The following AOAH variants were observed in gnomAD, a reference collection of about 807,000 sequenced individuals.
The protein encoded by AOAH is acyloxyacyl hydrolase, also known as acyloxyacyl hydrolase (neutrophil).
In AOAH, 64 loss-of-function variants were observed where a neutral mutation model predicts 92.2. That is an observed-to-expected ratio of 0.69 (90% CI 0.57 to 0.86). The LOEUF is 0.86. Ranked by LOEUF, AOAH falls within the 40% of genes least tolerant of loss-of-function variation. AOAH has a pLI of 0.00. For missense variants in AOAH, 656 were observed against 694.6 expected (o/e 0.94, Z 0.62); for synonymous variants, 263 against 254.5 (o/e 1.03, Z -0.32).
chr7:36,544,045 CAAGT>C (rs1245187509), intron 15 of AOAH, among the ~76,000 whole-genome samples: 1 of 145,744 alleles, frequency 6.9e-6, no homozygotes, highest in African/African-American at 2.5e-5. Context: ...CTCCCGGGTT[CAAGT>C]GATTCTCCTG....
At chr7:36,518,043 A>G (rs1395581569) in intron 20 of AOAH, among the ~76,000 whole-genome samples, 1 of 152,160 alleles carries the variant, frequency 6.6e-6, no homozygotes, top group African/African-American at 2.4e-5. Context: ...ATTTAGACAC[A>G]GTAAAATGAA....
intron 1 of AOAH, among the ~76,000 whole-genome samples, chr7:36,711,137 A>T (rs909421682): frequency 6.6e-6 from 1 of 152,166 alleles, no homozygotes; most frequent in Non-Finnish European, 1.5e-5. Flanking sequence ...CTGAGAAGGA[A>T]ATATAAATCA....
At chr7:36,549,233 T>A (rs773456197) in intron 14 of AOAH, among the ~76,000 whole-genome samples, 12 of 152,216 alleles carry the variant, frequency 7.9e-5, no homozygotes, top group Non-Finnish European at 1.6e-4. Flanking sequence ...CAACTCTCTA[T>A]GCATTTTTAT....
chr7:36,627,846 C>CTGAT (rs1308510905), intron 6 of AOAH, among the ~76,000 whole-genome samples: 1 of 152,152 alleles, frequency 6.6e-6, no homozygotes, highest in Non-Finnish European at 1.5e-5. Context: ...GTAACTGTGG[C>CTGAT]TGATTGTTAT....
chr7:36,543,947 C>CTTTCTTTCTTTCTTTTTTTTT (rs55745823), intron 15 of AOAH, among the ~76,000 whole-genome samples: 1 of 91,008 alleles, frequency 1.1e-5, no homozygotes, highest in East Asian at 3.7e-4. Flanking sequence ...TTCTTTCTTT[C>CTTTCTTTCTTTCTTTTTTTTT]TTTTTTTTTT....
intron 1 of AOAH, among the ~76,000 whole-genome samples, chr7:36,700,846 T>A (rs759370674): frequency 2.0e-5 from 3 of 152,094 alleles, no homozygotes; most frequent in African/African-American, 7.2e-5. Flanking sequence ...TCAACATCTG[T>A]TATGTTTTGA....
At chr7:36,577,903 T>C (rs936833430) in intron 12 of AOAH, among the ~76,000 whole-genome samples, 1 of 152,200 alleles carries the variant, frequency 6.6e-6, no homozygotes, top group Non-Finnish European at 1.5e-5. Flanking sequence ...TTATTAAGTG[T>C]TATATGAAAG....
intron 13 of AOAH, among the ~76,000 whole-genome samples, chr7:36,563,839 G>T (rs1230143486): frequency 6.6e-6 from 1 of 151,872 alleles, no homozygotes; most frequent in Admixed American, 6.6e-5. Flanking sequence ...AAAAATATTT[G>T]CTTGCAATAG....
intron 4 of AOAH, among the ~76,000 whole-genome samples, chr7:36,643,567 T>C (rs563127588): frequency 2.0e-5 from 3 of 152,246 alleles, no homozygotes; most frequent in Admixed American, 2.0e-4. Context: ...GAAAGAAGTA[T>C]TCTTCCATTC....
chr7:36,597,451 CAGACA>C (rs1439063904), intron 11 of AOAH, among the ~76,000 whole-genome samples: 1 of 152,044 alleles, frequency 6.6e-6, no homozygotes, highest in African/African-American at 2.4e-5. Context: ...TTCATTCTGC[CAGACA>C]AGACAAGAAA....
At chr7:36,529,744 G>T (rs148368074) in intron 19 of AOAH, among the ~76,000 whole-genome samples, 8 of 152,292 alleles carry the variant, frequency 5.3e-5, no homozygotes, top group African/African-American at 1.9e-4. Flanking sequence ...AATCAGGAAA[G>T]ATTACAGTCA....
At chr7:36,545,442 A>T (rs1583781679) in intron 15 of AOAH, among the ~76,000 whole-genome samples, 1 of 152,002 alleles carries the variant, frequency 6.6e-6, no homozygotes, top group East Asian at 1.9e-4. Context: ...AATAGCATGG[A>T]TTGTTTCTCA....
At chr7:36,590,672 G>T (rs1789679519) in intron 12 of AOAH, among the ~76,000 whole-genome samples, 1 of 152,210 alleles carries the variant, frequency 6.6e-6, no homozygotes, top group South Asian at 2.1e-4. Flanking sequence ...GGCTGATCAT[G>T]ATGGTAGGAA....
chr7:36,714,349 A>C (rs1798981030), intron 1 of AOAH, among the ~76,000 whole-genome samples: 1 of 152,174 alleles, frequency 6.6e-6, no homozygotes, highest in Non-Finnish European at 1.5e-5. Flanking sequence ...CTTACCAACC[A>C]AAAAAAGTCC....
At chr7:36,588,417 C>G (rs1448340526) in intron 12 of AOAH, among the ~76,000 whole-genome samples, 3 of 152,242 alleles carry the variant, frequency 2.0e-5, no homozygotes, top group Admixed American at 2.0e-4. Context: ...CTATCCCACT[C>G]CAATCAGCCT....
At chr7:36,605,544 T>C (rs1473970785) in intron 11 of AOAH, among the ~76,000 whole-genome samples, 1 of 152,242 alleles carries the variant, frequency 6.6e-6, no homozygotes, top group Non-Finnish European at 1.5e-5. Context: ...CTTTATTTCA[T>C]GTTCTGGCAG....
At chr7:36,540,890 C>T (rs780325626) in intron 15 of AOAH, among the ~76,000 whole-genome samples, 14 of 152,252 alleles carry the variant, frequency 9.2e-5, no homozygotes, top group Admixed American at 3.9e-4. Context: ...GTGAGAGAGA[C>T]GTAAACATTT....
chr7:36,720,180 C>T (rs1169978265), intron 1 of AOAH, among the ~76,000 whole-genome samples: 2 of 151,506 alleles, frequency 1.3e-5, no homozygotes, highest in African/African-American at 4.8e-5. Context: ...GATGGAGTCT[C>T]GCTCTGTCGC....
At chr7:36,521,615 GAATAAATTTCT>G (rs1307002877) in intron 20 of AOAH, among the ~76,000 whole-genome samples, 1 of 151,714 alleles carries the variant, frequency 6.6e-6, no homozygotes, top group Non-Finnish European at 1.5e-5. Flanking sequence ...AAAGACCATA[GAATAAATTTCT>G]CATGGGTCTC....
Sources: gnomAD v4.1 joint callset for allele counts (sites outside exome capture counted in the v4.1 genomes callset) on GRCh38, gnomAD v4.1.1 for gene constraint, MANE v1.5 for transcripts, NCBI Gene and HGNC (gene_info 2026-07-23, HGNC 2026-07-21) for gene names.